The following EPHA5 variants were observed in gnomAD, a reference collection of about 807,000 sequenced individuals.
EPHA5 encodes ephrin type-A receptor 5.
A neutral mutation model predicts 105.0 loss-of-function variants in EPHA5; 60 were observed. The observed-to-expected ratio is 0.57, with a 90% CI of 0.46 to 0.71. The LOEUF (loss-of-function observed/expected upper bound fraction) is 0.71. EPHA5 is among the 30% of genes least tolerant of loss of function. The pLI, the probability that EPHA5 is intolerant of heterozygous loss-of-function variation, is 0.00. For synonymous variants in EPHA5, 513 were observed against 449.1 expected (o/e 1.14, Z -1.80); for missense variants, 1,218 against 1,274.7 (o/e 0.96, Z 0.68).
intron 5 of EPHA5, among the ~76,000 whole-genome samples, chr4:65,487,970 T>A (rs1055269278): frequency 6.6e-6 from 1 of 152,206 alleles, no homozygotes; most frequent in Non-Finnish European, 1.5e-5. Context: ...TCTGGAATGC[T>A]GATACTGAGA....
intron 3 of EPHA5, among the ~76,000 whole-genome samples, chr4:65,532,521 T>A (rs558680475): frequency 1.7e-3 from 256 of 151,942 alleles, no homozygotes; most frequent in African/African-American, 5.7e-3. Context: ...TCCATTAGCT[T>A]CATTATTTTT....
intron 8 of EPHA5, among the ~76,000 whole-genome samples, chr4:65,369,688 C>T (rs903221057): frequency 5.3e-5 from 8 of 152,118 alleles, no homozygotes; most frequent in African/African-American, 1.9e-4. Flanking sequence ...AGTTATCTGG[C>T]TGGGCGTGGT....
At chr4:65,497,539 A>G (rs906875084) in intron 3 of EPHA5, among the ~76,000 whole-genome samples, 13 of 152,044 alleles carry the variant, frequency 8.6e-5, no homozygotes, top group African/African-American at 2.9e-4. Flanking sequence ...CTTATGCCAT[A>G]CTTAGCTAAG....
At position 65,334,344 on chromosome 4, in the gene EPHA5, A is replaced by G. The variant is rs1369221025; in HGVS notation, c.2789+1588T>C. ...CATGAATTGTGAGAAAGAGAATTGC[A>G]GAAAGAAACAGTTGGAGAGTAAGAT... On this transcript the variant is annotated intron_variant, in intron 15 of 16. Transcript: ENST00000613740. Among the ~76,000 whole-genome samples, 9 of 152,186 alleles carry G rather than the reference A, an allele frequency of 5.9e-5. No individual in the cohort carries two copies. The East Asian group carries it at 1.7e-3, about 30-fold the overall frequency.
chr4:65,456,108 C>T (rs1006348430), intron 5 of EPHA5, among the ~76,000 whole-genome samples: 2 of 152,120 alleles, frequency 1.3e-5, no homozygotes, highest in African/African-American at 4.8e-5. Flanking sequence ...GTTAAAAGAA[C>T]TTTGAATCCG....
chr4:65,485,901 G>T (rs1275396745), intron 5 of EPHA5, among the ~76,000 whole-genome samples: 1 of 152,074 alleles, frequency 6.6e-6, no homozygotes, highest in Non-Finnish European at 1.5e-5. Flanking sequence ...TCTCACAATT[G>T]CAGGGAGGGA....
At chr4:65,575,762 A>G (rs191083256) in intron 3 of EPHA5, among the ~76,000 whole-genome samples, 2 of 152,036 alleles carry the variant, frequency 1.3e-5, no homozygotes, top group Admixed American at 1.3e-4. Flanking sequence ...GCCTGACATC[A>G]GGACTTTGAG....
intron 5 of EPHA5, among the ~76,000 whole-genome samples, chr4:65,476,123 A>ATGTGT (rs1729780102): frequency 7.7e-6 from 1 of 130,056 alleles, no homozygotes; most frequent in African/African-American, 2.9e-5. Context: ...AGAGAGAGAG[A>ATGTGT]GAGAGTGTGT....
chr4:65,375,410 T>C (rs369242236), intron 8 of EPHA5, among the ~76,000 whole-genome samples: 17 of 152,082 alleles, frequency 1.1e-4, no homozygotes, highest in African/African-American at 3.9e-4. Context: ...TTTACTGGTG[T>C]GTTCTTTATA....
intron 5 of EPHA5, among the ~76,000 whole-genome samples, chr4:65,439,214 C>T (rs993128978): frequency 4.6e-5 from 7 of 152,116 alleles, no homozygotes; most frequent in East Asian, 1.9e-4. Flanking sequence ...CTAGAAGAGG[C>T]GAGAAAACTT....
At chr4:65,383,481 A>G (rs1049478546) in intron 8 of EPHA5, among the ~76,000 whole-genome samples, 26 of 152,012 alleles carry the variant, frequency 1.7e-4, no homozygotes, top group African/African-American at 6.0e-4. Context: ...TGCTACCAGT[A>G]AAAACAAAGC....
chr4:65,472,394 A>G (rs1290141749), intron 5 of EPHA5, among the ~76,000 whole-genome samples: 1 of 152,184 alleles, frequency 6.6e-6, no homozygotes, highest in Non-Finnish European at 1.5e-5. Flanking sequence ...TAGATCCACT[A>G]GCCAGTTCCC....
intron 8 of EPHA5, among the ~76,000 whole-genome samples, chr4:65,395,471 A>G (rs1721126835): frequency 6.6e-6 from 1 of 152,200 alleles, no homozygotes; most frequent in South Asian, 2.1e-4. Flanking sequence ...AAAAGGCTAA[A>G]TTTTAATATT....
chr4:65,512,803 G>C (rs910712826), intron 3 of EPHA5, among the ~76,000 whole-genome samples: 1 of 151,968 alleles, frequency 6.6e-6, no homozygotes, highest in African/African-American at 2.4e-5. Flanking sequence ...GTTTCATACC[G>C]ATCTCATGGC....
intron 2 of EPHA5, among the ~76,000 whole-genome samples, chr4:65,639,512 GA>G (rs1424839654): frequency 6.6e-6 from 1 of 152,104 alleles, no homozygotes; most frequent in Non-Finnish European, 1.5e-5. Flanking sequence ...TGCTACTTTT[GA>G]AATTCTCCCT....
At chr4:65,598,423 T>C (rs1743390017) in intron 3 of EPHA5, among the ~76,000 whole-genome samples, 1 of 152,216 alleles carries the variant, frequency 6.6e-6, no homozygotes, top group African/African-American at 2.4e-5. Context: ...TTTACACCTT[T>C]GCAGATTTTC....
intron 3 of EPHA5, among the ~76,000 whole-genome samples, chr4:65,545,125 A>T (rs1032768665): frequency 6.6e-6 from 1 of 151,934 alleles, no homozygotes; most frequent in South Asian, 2.1e-4. Context: ...ATGCACAAAT[A>T]TATGTAGTCT....
At chr4:65,529,678 C>G (rs1304111998) in intron 3 of EPHA5, among the ~76,000 whole-genome samples, 2 of 152,070 alleles carry the variant, frequency 1.3e-5, no homozygotes, top group Non-Finnish European at 2.9e-5. Flanking sequence ...GTTTTCAACC[C>G]TGAATCACAT....
At chr4:65,367,558 C>A in intron 8 of EPHA5, 134 bp from the exon 9 acceptor site, 1 of 733,806 alleles carries the variant, frequency 1.4e-6, no homozygotes, top group South Asian at 1.6e-5. Context: ...GGAATGATGC[C>A]AATACTAGTA....
Sources: allele counts gnomAD v4.1 joint callset (sites outside exome capture counted in the v4.1 genomes callset), GRCh38; gene constraint gnomAD v4.1.1; transcripts MANE v1.5; gene names NCBI Gene and HGNC (gene_info 2026-07-23, HGNC 2026-07-21).